The following CLASP1 variants were observed in gnomAD, a reference collection of about 807,000 sequenced individuals.
CLASP1 encodes CLIP-associating protein 1.
CLASP1 carries 38 observed loss-of-function variants against 192.3 expected under a neutral mutation model. That is an observed-to-expected ratio of 0.20 (90% CI 0.15 to 0.26). CLASP1 has a LOEUF of 0.26. Ranked by LOEUF, CLASP1 falls within the 10% of genes least tolerant of loss-of-function variation. The pLI is 1.00. For synonymous variants in CLASP1, 691 were observed against 712.8 expected, an observed-to-expected ratio of 0.97 and a Z score of 0.49; for missense variants, 1,433 against 1,932.5, an observed-to-expected ratio of 0.74 and a Z score of 4.85.
intron 2 of CLASP1, among the ~76,000 whole-genome samples, chr2:121,577,099 G>C (rs1156514055): frequency 6.6e-6 from 1 of 152,124 alleles, no homozygotes; most frequent in Non-Finnish European, 1.5e-5. Context: ...AAATTCTCCA[G>C]GGGACTGGGG....
chr2:121,522,251 A>G (rs1268189407), intron 6 of CLASP1, among the ~76,000 whole-genome samples: 4 of 152,240 alleles, frequency 2.6e-5, no homozygotes, highest in African/African-American at 9.6e-5. Context: ...CCTGTCTACT[A>G]CAGAATACTG....
chr2:121,365,165 T>C (rs755282484), exon 36 of CLASP1: 2 of 1,613,932 alleles, frequency 1.2e-6, no homozygotes, highest in Non-Finnish European at 8.5e-7. Context: ...ACACCAAGGC[T>C]GTCTTCCCGC....
chr2:121,501,260 C>G (rs1455219286), intron 8 of CLASP1, among the ~76,000 whole-genome samples: 1 of 152,112 alleles, frequency 6.6e-6, no homozygotes, highest in Non-Finnish European at 1.5e-5. Context: ...AACTGAGAAA[C>G]CACACAAATG....
chr2:121,559,740 C>A (rs956198616), intron 2 of CLASP1, among the ~76,000 whole-genome samples: 1 of 152,048 alleles, frequency 6.6e-6, no homozygotes, highest in Non-Finnish European at 1.5e-5. Flanking sequence ...CCTTTTAATA[C>A]AATGAAAATC....
intron 6 of CLASP1, among the ~76,000 whole-genome samples, chr2:121,523,416 G>C (rs1280142737): frequency 6.6e-6 from 1 of 151,808 alleles, no homozygotes; most frequent in Non-Finnish European, 1.5e-5. Flanking sequence ...AATAGTATCA[G>C]AGAGTAGCCC....
At chr2:121,559,194 T>G (rs1042096337) in intron 2 of CLASP1, among the ~76,000 whole-genome samples, 4 of 152,174 alleles carry the variant, frequency 2.6e-5, no homozygotes, top group African/African-American at 9.7e-5. Flanking sequence ...ATACAGACCA[T>G]GACAATTTTT....
At chr2:121,622,126 G>A (rs189455095) in intron 1 of CLASP1, among the ~76,000 whole-genome samples, 352 of 152,110 alleles carry the variant, frequency 2.3e-3, no homozygotes, top group African/African-American at 8.1e-3. Context: ...TTATAGGCAT[G>A]AGCCACCACA....
At chr2:121,449,401 A>G (rs1456559294) in intron 16 of CLASP1, among the ~76,000 whole-genome samples, 1 of 152,202 alleles carries the variant, frequency 6.6e-6, no homozygotes, top group African/African-American at 2.4e-5. Flanking sequence ...GGGGAATCTT[A>G]GGGAAGGTGG....
chr2:121,520,732 C>A (rs1292857642), intron 6 of CLASP1, among the ~76,000 whole-genome samples: 1 of 152,212 alleles, frequency 6.6e-6, no homozygotes, highest in Admixed American at 6.5e-5. Flanking sequence ...TCAGGCTTTT[C>A]TTATCTAGTC....
intron 33 of CLASP1, among the ~76,000 whole-genome samples, 165 bp from the exon 35 acceptor site, chr2:121,377,814 C>T (rs367720868): frequency 6.6e-6 from 1 of 152,084 alleles, no homozygotes; most frequent in Non-Finnish European, 1.5e-5. Flanking sequence ...GTACCACCAC[C>T]GGACAATTAC....
At chr2:121,631,991 G>A (rs1204168780) in intron 1 of CLASP1, among the ~76,000 whole-genome samples, 2 of 152,006 alleles carry the variant, frequency 1.3e-5, no homozygotes, top group African/African-American at 4.8e-5. Flanking sequence ...AGGCTGTAGT[G>A]AGCCGAGATC....
chr2:121,518,295 C>T (rs1199922014), intron 6 of CLASP1, among the ~76,000 whole-genome samples: 2 of 148,354 alleles, frequency 1.3e-5, no homozygotes, highest in Non-Finnish European at 3.0e-5. Flanking sequence ...GATGGCGGGA[C>T]CCTAAAATTA....
intron 2 of CLASP1, among the ~76,000 whole-genome samples, chr2:121,574,223 G>A (rs1217523653): frequency 6.6e-6 from 1 of 151,982 alleles, no homozygotes; most frequent in East Asian, 1.9e-4. Flanking sequence ...AGTTACTCGG[G>A]AGGCTGAGTC....
intron 34 of CLASP1, among the ~76,000 whole-genome samples, chr2:121,376,526 T>TGGGGGGGGGGGGGGGGAGGGGGG (rs61313144): frequency 9.5e-6 from 1 of 105,134 alleles, no homozygotes; most frequent in Non-Finnish European, 1.9e-5. Flanking sequence ...TGGGAAGGGG[T>TGGGGGGGGGGGGGGGGAGGGGGG]GGGGGGGGGG....
chr2:121,571,724 G>A (rs1275792071), intron 2 of CLASP1, among the ~76,000 whole-genome samples: 1 of 152,164 alleles, frequency 6.6e-6, no homozygotes, highest in Non-Finnish European at 1.5e-5. Context: ...AATCCATACC[G>A]AGGAAAGAGA....
At chr2:121,407,412 C>CTA (rs1247954546) in intron 25 of CLASP1, 59 bp downstream of exon 26, 3 of 1,592,758 alleles carry the variant, frequency 1.9e-6, no homozygotes, top group Non-Finnish European at 2.6e-6. Flanking sequence ...TCCCTTTAAA[C>CTA]CCCTGAAGAG....
At chr2:121,562,002 T>C (rs1393733666) in intron 2 of CLASP1, among the ~76,000 whole-genome samples, 1 of 152,242 alleles carries the variant, frequency 6.6e-6, no homozygotes, top group Non-Finnish European at 1.5e-5. Flanking sequence ...TAGGGCTTAA[T>C]GTTAGACAAG....
chr2:121,464,478 C>T (rs1212586917), intron 9 of CLASP1, among the ~76,000 whole-genome samples: 2 of 152,246 alleles, frequency 1.3e-5, no homozygotes, highest in Middle Eastern at 3.4e-3. Flanking sequence ...TAAAAGTGTT[C>T]CTATTTCTCC....
chr2:121,631,170 A>G (rs1576613100), intron 1 of CLASP1, among the ~76,000 whole-genome samples: 1 of 150,702 alleles, frequency 6.6e-6, no homozygotes, highest in African/African-American at 2.4e-5. Context: ...AAAAAAAAAA[A>G]AAAAAAAAAA....
Sources: gnomAD v4.1 joint callset for allele counts (sites outside exome capture counted in the v4.1 genomes callset) on GRCh38, gnomAD v4.1.1 for gene constraint, MANE v1.5 for transcripts, NCBI Gene and HGNC (gene_info 2026-07-23, HGNC 2026-07-21) for gene names.